Variants in GPC6 observed in about 807,000 individuals in gnomAD.
The protein encoded by GPC6 is glypican 6.
Under a neutral mutation model 55.2 loss-of-function variants are expected in GPC6, and 14 were observed. The ratio of observed to expected loss-of-function variants is 0.25; its 90% CI spans 0.17 to 0.40. The LOEUF (loss-of-function observed/expected upper bound fraction) is 0.40, where lower values mean the gene tolerates loss of function less well. Among genes scored for constraint, GPC6 ranks in the 10% least tolerant of loss-of-function variants. GPC6 has a pLI of 1.00. For synonymous variants in GPC6, 278 were observed against 259.6 expected (o/e 1.07, Z -0.68); for missense variants, 641 against 708.5 (o/e 0.90, Z 1.08).
chr13:94,089,163 T>C (rs1885391360), intron 4 of GPC6, among the ~76,000 whole-genome samples: 1 of 152,158 alleles, frequency 6.6e-6, no homozygotes, highest in Non-Finnish European at 1.5e-5. Flanking sequence ...GGAGCTGCTG[T>C]ATGCTAATGA....
At chr13:93,875,180 C>G (rs1442284758) in intron 3 of GPC6, among the ~76,000 whole-genome samples, 1 of 151,980 alleles carries the variant, frequency 6.6e-6, no homozygotes, top group Admixed American at 6.6e-5. Flanking sequence ...GAGATACTTG[C>G]ATATGGGGCC....
At chr13:93,830,612 TAAAAAAAA>T (rs369020255) in intron 3 of GPC6, 67 bp downstream of exon 3, 37 of 326,442 alleles carry the variant, frequency 1.1e-4, no homozygotes, top group African/African-American at 2.6e-4. Flanking sequence ...AACCAATGTT[TAAAAAAAA>T]AAAAAAAAAA....
rs75864756 is a variant in GPC6 at position 93,823,666 on chromosome 13, G to A, written c.320-6488G>A. On this transcript the variant is annotated intron_variant, in intron 2 of 8. Coordinates refer to ENST00000377047, the MANE Select transcript of GPC6 (RefSeq NM_005708.5). ...AAATATGACGAAGACAAATGGAAAT[G>A]ATGAAGATGTTCTATTGCCATATTA... is the stretch of plus-strand genomic sequence containing the variant. Among the ~76,000 whole-genome samples, 677 of 152,256 alleles carry A rather than the reference G, an allele frequency of 4.4e-3. 2 individuals carry two copies. The highest frequency in any genetic ancestry group is 0.015 in the African/African-American group (608 of 41,532).
At chr13:93,277,485 T>C (rs1877797095) in intron 1 of GPC6, among the ~76,000 whole-genome samples, 1 of 152,202 alleles carries the variant, frequency 6.6e-6, no homozygotes, top group Non-Finnish European at 1.5e-5. Flanking sequence ...AAGCTTATAA[T>C]AAATGCTTTC....
intron 3 of GPC6, among the ~76,000 whole-genome samples, chr13:93,867,567 C>G (rs1230276470): frequency 6.6e-6 from 1 of 151,738 alleles, no homozygotes; most frequent in Non-Finnish European, 1.5e-5. Flanking sequence ...AAAGGCTAGT[C>G]ATTCCATTTG....
chr13:93,979,280 T>TG (rs1566631861), intron 3 of GPC6, among the ~76,000 whole-genome samples: 15 of 100,972 alleles, frequency 1.5e-4, no homozygotes, highest in African/African-American at 1.9e-4. Flanking sequence ...AGACACTTCT[T>TG]TTGTGTGTGT....
intron 2 of GPC6, among the ~76,000 whole-genome samples, chr13:93,619,654 A>G (rs1041745756): frequency 7.9e-5 from 12 of 152,064 alleles, no homozygotes; most frequent in Non-Finnish European, 1.5e-4. Context: ...GAGTCTCTTC[A>G]TGTTGCCCAG....
intron 6 of GPC6, among the ~76,000 whole-genome samples, chr13:94,376,756 A>T (rs1338824682): frequency 6.6e-6 from 1 of 152,232 alleles, no homozygotes; most frequent in Non-Finnish European, 1.5e-5. Flanking sequence ...ATCCTAAGCC[A>T]AAAGAACAAA....
chr13:93,224,054 A>G (rs1875692809), upstream of GPC6, among the ~76,000 whole-genome samples: 1 of 151,042 alleles, frequency 6.6e-6, no homozygotes, highest in South Asian at 2.1e-4. Flanking sequence ...GCCGGCCACC[A>G]CACCCGTCTA....
intron 5 of GPC6, among the ~76,000 whole-genome samples, chr13:94,303,453 T>G (rs1050070415): frequency 6.6e-6 from 1 of 152,184 alleles, no homozygotes; most frequent in Non-Finnish European, 1.5e-5. Flanking sequence ...ATCCAGCTAG[T>G]CCTGTCTCTC....
chr13:93,556,408 GTATATATA>G (rs36113667), intron 2 of GPC6, among the ~76,000 whole-genome samples: 2 of 130,962 alleles, frequency 1.5e-5, no homozygotes, highest in South Asian at 2.6e-4. Flanking sequence ...GTATGTATAT[GTATATATA>G]TATATATATA....
intron 4 of GPC6, among the ~76,000 whole-genome samples, chr13:94,199,977 T>C (rs1035928768): frequency 1.3e-5 from 2 of 152,022 alleles, no homozygotes; most frequent in Admixed American, 1.3e-4. Flanking sequence ...ACCAATATGG[T>C]GAAACCCTGT....
chr13:94,061,482 T>C (rs1257713446), intron 4 of GPC6, among the ~76,000 whole-genome samples: 4 of 152,018 alleles, frequency 2.6e-5, no homozygotes, highest in Admixed American at 6.6e-5. Context: ...TAAATATTCA[T>C]AACTGCTCCT....
chr13:93,890,359 G>A (rs1301334299), intron 3 of GPC6, among the ~76,000 whole-genome samples: 2 of 152,098 alleles, frequency 1.3e-5, no homozygotes. Flanking sequence ...ATAAGACAGA[G>A]TAGCTCTCTT....
chr13:93,292,003 T>C (rs1449721452), intron 1 of GPC6, among the ~76,000 whole-genome samples: 5 of 152,200 alleles, frequency 3.3e-5, no homozygotes, highest in Admixed American at 3.3e-4. Flanking sequence ...CATTTAATAG[T>C]TTTGTTCAAT....
At chr13:94,388,437 G>A (rs1294887422) in intron 7 of GPC6, among the ~76,000 whole-genome samples, 1 of 152,218 alleles carries the variant, frequency 6.6e-6, no homozygotes, top group Non-Finnish European at 1.5e-5. Flanking sequence ...GGCTTCACAT[G>A]TGCATCAGGA....
chr13:93,821,472 C>G (rs1887044105), intron 2 of GPC6, among the ~76,000 whole-genome samples: 1 of 152,254 alleles, frequency 6.6e-6, no homozygotes, highest in African/African-American at 2.4e-5. Context: ...GGTGCTGAAC[C>G]TCTCCAGGGG....
At chr13:93,263,288 T>G (rs534341388) in intron 1 of GPC6, among the ~76,000 whole-genome samples, 1 of 152,328 alleles carries the variant, frequency 6.6e-6, no homozygotes, top group Non-Finnish European at 1.5e-5. Context: ...TTTATCTGTT[T>G]CCTTTTGCTA....
chr13:93,565,504 A>G (rs749413948), intron 2 of GPC6, among the ~76,000 whole-genome samples: 69 of 152,168 alleles, frequency 4.5e-4, no homozygotes, highest in Non-Finnish European at 8.1e-4. Flanking sequence ...TCGTTTCTTC[A>G]TTAGGAAGTG....
Sources: gnomAD v4.1 joint callset for allele counts (sites outside exome capture counted in the v4.1 genomes callset) on GRCh38, gnomAD v4.1.1 for gene constraint, MANE v1.5 for transcripts, NCBI Gene and HGNC (gene_info 2026-07-23, HGNC 2026-07-21) for gene names.